The following GLT1D1 variants were observed in gnomAD, a reference collection of about 807,000 sequenced individuals.
The protein encoded by GLT1D1 is glycosyltransferase 1 domain containing 1, also known as glycosyltransferase 1 domain-containing protein 1.
GLT1D1 carries 21 observed loss-of-function variants against 28.7 expected under a neutral mutation model. The observed-to-expected ratio is 0.73, with a 90% CI of 0.52 to 1.05. GLT1D1 has a LOEUF of 1.05. Ranked by LOEUF, GLT1D1 falls within the 50% of genes least tolerant of loss-of-function variation. The pLI is 0.00. For synonymous variants in GLT1D1, 147 were observed against 124.8 expected (o/e 1.18, Z -1.19); for missense variants, 343 against 330.6 (o/e 1.04, Z -0.29).
intron 7 of GLT1D1, among the ~76,000 whole-genome samples, chr12:128,978,452 C>T (rs1411400159): frequency 2.0e-5 from 3 of 152,082 alleles, no homozygotes; most frequent in African/African-American, 7.2e-5. Context: ...GTCCTGAGGT[C>T]GGTGGGAATT....
rs151029387 is a variant in GLT1D1 at position 128,905,885 on chromosome 12, G to A, written c.375+6598G>A. On this transcript the variant is annotated intron_variant, in intron 4 of 7. Transcript: ENST00000281703. ...CTCTGTTGCCCAGGCTGGATGGAGT[G>A]CAGTGGCGTGATCGTGGCTCACTGC... 5.5e-3 allele frequency among the ~76,000 whole-genome samples: 831 copies of A among 151,210 alleles called. 8 individuals carry two copies. Among genetic ancestry groups the A allele is most frequent in the African/African-American group, 0.019 (783 of 41,200 alleles).
chr12:128,865,722 G>A (rs774161518), intron 1 of GLT1D1, among the ~76,000 whole-genome samples: 3 of 151,892 alleles, frequency 2.0e-5, no homozygotes, highest in Admixed American at 6.6e-5. Context: ...CTCGGGAGGC[G>A]GAGGCAGGAG....
At chr12:128,970,974 C>T (rs1878982473) in intron 7 of GLT1D1, among the ~76,000 whole-genome samples, 1 of 152,258 alleles carries the variant, frequency 6.6e-6, no homozygotes, top group Non-Finnish European at 1.5e-5. Flanking sequence ...GTACAAGGCG[C>T]AACCCTTCCA....
rs531930708 is a variant in GLT1D1, at chr12:128,951,046, A to G, written c.540+3588A>G. Among the ~76,000 whole-genome samples the G allele has an allele frequency of 2.0e-5, 3 of 152,348 alleles. No homozygotes were observed. In the East Asian group the frequency reaches 5.8e-4, roughly 29 times the overall value. On this transcript the variant is annotated intron_variant, in intron 6 of 7. Transcript: ENST00000281703. ...AGTGTTCTCACCACACAAAACAAGTATGAAGTAATGCATATGTTAATTAGC... is the reference window on the plus strand; with the variant it reads ...AGTGTTCTCACCACACAAAACAAGTGTGAAGTAATGCATATGTTAATTAGC...
intron 4 of GLT1D1, among the ~76,000 whole-genome samples, chr12:128,939,810 C>G (rs1050426217): frequency 7.5e-5 from 11 of 146,722 alleles, no homozygotes; most frequent in African/African-American, 2.9e-4. Context: ...CGAGACAACA[C>G]TGGGGGATGT....
intron 4 of GLT1D1, among the ~76,000 whole-genome samples, chr12:128,925,498 C>T (rs985864217): frequency 1.3e-5 from 2 of 152,200 alleles, no homozygotes; most frequent in Non-Finnish European, 2.9e-5. Context: ...ATCCATGTCC[C>T]TGCAAAGGAC....
intron 2 of GLT1D1, 124 bp downstream of exon 2, chr12:128,876,186 A>G (rs867370424): frequency 6.0e-6 from 5 of 833,228 alleles, no homozygotes; most frequent in Non-Finnish European, 9.1e-6. Context: ...GAGACATGCA[A>G]TAATCTCTTT....
intron 4 of GLT1D1, among the ~76,000 whole-genome samples, chr12:128,917,051 T>C (rs77182327): frequency 0.055 from 8,422 of 152,282 alleles, 301 homozygotes; most frequent in Middle Eastern, 0.1. Context: ...GGATCTGTTT[T>C]TTTTTCTTAA....
At chr12:128,927,518 G>A (rs896571671) in intron 4 of GLT1D1, among the ~76,000 whole-genome samples, 3 of 151,948 alleles carry the variant, frequency 2.0e-5, no homozygotes, top group South Asian at 2.1e-4. Context: ...GATTACAGGC[G>A]TGAGCCACCG....
At chr12:128,925,517 G>A (rs574481183) in intron 4 of GLT1D1, among the ~76,000 whole-genome samples, 6 of 152,150 alleles carry the variant, frequency 3.9e-5, no homozygotes, top group East Asian at 3.8e-4. Context: ...ACATGATCTC[G>A]TTCCTTTTTA....
intron 1 of GLT1D1, among the ~76,000 whole-genome samples, chr12:128,864,838 G>A (rs1363115200): frequency 2.0e-5 from 3 of 152,140 alleles, no homozygotes. Context: ...GAGGCCCAGA[G>A]GCCTGCATGT....
chr12:128,937,670 G>A (rs556386892), intron 4 of GLT1D1, among the ~76,000 whole-genome samples: 7 of 152,148 alleles, frequency 4.6e-5, no homozygotes, highest in African/African-American at 1.4e-4. Context: ...TGATCTCCAC[G>A]TGTCATGGGA....
chr12:128,890,510 A>T lies in GLT1D1; in HGVS notation c.323+1766A>T, dbSNP rs1377000441. On this transcript the variant is annotated intron_variant, in intron 3 of 7. Coordinates refer to ENST00000281703, the MANE Select transcript of GLT1D1 (RefSeq NM_144669.3). The stretch of plus-strand genomic sequence containing the variant: ...AAATAATGATAAAATCAGGCCGGGC[A>T]CGGTGACTCAGGCCTGTAATCCCAG... Among the ~76,000 whole-genome samples the T allele has an allele frequency of 3.9e-5, 6 of 152,332 alleles. No individual in the cohort carries two copies. In the East Asian group the frequency reaches 9.6e-4, roughly 24 times the overall value.
intron 6 of GLT1D1, among the ~76,000 whole-genome samples, chr12:128,954,187 G>A (rs1877029078): frequency 1.3e-5 from 2 of 150,030 alleles, no homozygotes; most frequent in South Asian, 2.1e-4. Context: ...GCAATGGCGC[G>A]ATCTCGGCTC....
chr12:128,981,541 CAT>C (rs1880317740), intron 7 of GLT1D1, among the ~76,000 whole-genome samples: 1 of 152,222 alleles, frequency 6.6e-6, no homozygotes, highest in Non-Finnish European at 1.5e-5. Flanking sequence ...AATCTATAAA[CAT>C]ATAATTCTAC....
intron 4 of GLT1D1, among the ~76,000 whole-genome samples, chr12:128,908,541 CT>C (rs956758376): frequency 1.0e-4 from 13 of 124,972 alleles, no homozygotes; most frequent in Admixed American, 1.6e-4. Context: ...CTTTCTTCTT[CT>C]TTTTTTTTTA....
chr12:128,897,212 C>A (rs1425953546), intron 3 of GLT1D1, among the ~76,000 whole-genome samples: 1 of 152,160 alleles, frequency 6.6e-6, no homozygotes, highest in Non-Finnish European at 1.5e-5. Context: ...GTGAACATCC[C>A]ATTTTTCCCA....
intron 6 of GLT1D1, among the ~76,000 whole-genome samples, chr12:128,952,058 G>A (rs1373226649): frequency 6.6e-6 from 1 of 152,090 alleles, no homozygotes; most frequent in Non-Finnish European, 1.5e-5. Context: ...GCAGAAATGT[G>A]TAGAGTGCCA....
chr12:128,928,602 C>T (rs1446666481), intron 4 of GLT1D1, among the ~76,000 whole-genome samples: 3 of 150,242 alleles, frequency 2.0e-5, no homozygotes, highest in Non-Finnish European at 3.0e-5. Flanking sequence ...GACAGCTCCG[C>T]GTGTTTGTGG....
Sources: allele counts gnomAD v4.1 joint callset (sites outside exome capture counted in the v4.1 genomes callset), GRCh38; gene constraint gnomAD v4.1.1; transcripts MANE v1.5; gene names NCBI Gene and HGNC (gene_info 2026-07-23, HGNC 2026-07-21).